The following ANXA8 variants were observed in gnomAD, a reference collection of about 807,000 sequenced individuals.
The protein encoded by ANXA8 is VAC-beta.
Under a neutral mutation model 26.8 loss-of-function variants are expected in ANXA8, and 9 were observed. That is an observed-to-expected ratio of 0.34 (90% CI 0.20 to 0.59). ANXA8 has a LOEUF of 0.59. ANXA8 is among the 20% of genes least tolerant of loss of function. The pLI is 0.84. For synonymous variants in ANXA8, 39 were observed against 94.8 expected (o/e 0.41, Z 3.42); for missense variants, 83 against 238.5 (o/e 0.35, Z 4.29).
the ANXA8 span, among the ~76,000 whole-genome samples, chr10:47,744,409 G>GGGGGGGGGGGGTT: frequency 1.5e-5 from 1 of 65,172 alleles, no homozygotes; most frequent in Non-Finnish European, 3.3e-5. Flanking sequence ...GAAGGCTCCT[G>GGGGGGGGGGGGTT]GTGGGGGGGG....
chr10:47,695,354 G>T, the ANXA8 span, among the ~76,000 whole-genome samples: 2 of 150,664 alleles, frequency 1.3e-5, no homozygotes. Context: ...TAGTGGTGGG[G>T]CATGGGCACA....
the ANXA8 span, among the ~76,000 whole-genome samples, chr10:47,724,849 C>G: frequency 7.2e-6 from 1 of 137,958 alleles, no homozygotes; most frequent in African/African-American, 2.6e-5. Context: ...TTCCCCATGC[C>G]CCTCAACCCA....
At chr10:47,610,386 G>T in the ANXA8 span, among the ~76,000 whole-genome samples, 3 of 144,282 alleles carry the variant, frequency 2.1e-5, no homozygotes, top group African/African-American at 8.2e-5. Context: ...ACATTAGCGA[G>T]CTGGACTATA....
chr10:47,887,863 A>T, the ANXA8 span, among the ~76,000 whole-genome samples: 1 of 16,932 alleles, frequency 5.9e-5, no homozygotes, highest in African/African-American at 2.0e-4. Flanking sequence ...TTTTACAGCT[A>T]TAGTGGATAT....
chr10:47,900,779 A>G, the ANXA8 span, among the ~76,000 whole-genome samples: 1 of 134,556 alleles, frequency 7.4e-6, no homozygotes, highest in Non-Finnish European at 1.6e-5. Flanking sequence ...ACCTAATGAA[A>G]AATATACTTG....
At chr10:47,682,485 T>G in the ANXA8 span, among the ~76,000 whole-genome samples, 1 of 148,276 alleles carries the variant, frequency 6.7e-6, no homozygotes, top group Non-Finnish European at 1.5e-5. Flanking sequence ...TTTTTTTTTT[T>G]TTGTGACGGA....
the ANXA8 span, among the ~76,000 whole-genome samples, chr10:47,769,698 G>C: frequency 6.6e-6 from 1 of 152,296 alleles, no homozygotes; most frequent in Non-Finnish European, 1.5e-5. Flanking sequence ...TCAGTTAAAA[G>C]TGCTGAGCCT....
chr10:47,616,677 G>T, the ANXA8 span, among the ~76,000 whole-genome samples: 1 of 69,712 alleles, frequency 1.4e-5, no homozygotes, highest in African/African-American at 4.2e-5. Flanking sequence ...TGGGTGCAAT[G>T]CTGAGTGCCA....
the ANXA8 span, among the ~76,000 whole-genome samples, chr10:47,627,149 C>T: frequency 6.7e-6 from 1 of 149,826 alleles, no homozygotes; most frequent in African/African-American, 2.5e-5. Context: ...GCTGACTGTA[C>T]TCCTCTGTAA....
chr10:47,955,507 G>A, the ANXA8 span, among the ~76,000 whole-genome samples: 1 of 150,004 alleles, frequency 6.7e-6, no homozygotes, highest in Non-Finnish European at 1.5e-5. Context: ...CTACCAATCT[G>A]TGCAGCATGT....
At chr10:47,580,431 T>C in the ANXA8 span, among the ~76,000 whole-genome samples, 1 of 151,328 alleles carries the variant, frequency 6.6e-6, no homozygotes, top group Non-Finnish European at 1.5e-5. Flanking sequence ...CAATACATTT[T>C]AAAAGGTCAA....
chr10:47,520,871 G>A, the ANXA8 span, among the ~76,000 whole-genome samples: 9 of 130,856 alleles, frequency 6.9e-5, no homozygotes, highest in South Asian at 2.0e-3. Context: ...AGAAGAAGAG[G>A]TAAATTTTGG....
chr10:47,768,431 AG>A, the ANXA8 span, among the ~76,000 whole-genome samples: 1 of 151,384 alleles, frequency 6.6e-6, no homozygotes, highest in Non-Finnish European at 1.5e-5. Flanking sequence ...AACTCCAAAG[AG>A]TGGTGACAGA....
chr10:47,597,096 T>C, the ANXA8 span, among the ~76,000 whole-genome samples: 1 of 149,116 alleles, frequency 6.7e-6, no homozygotes, highest in African/African-American at 2.6e-5. Context: ...TAAGAGTTGT[T>C]CAAATATATG....
chr10:47,683,269 C>T, the ANXA8 span, among the ~76,000 whole-genome samples: 1 of 127,648 alleles, frequency 7.8e-6, no homozygotes, highest in African/African-American at 3.1e-5. Flanking sequence ...CGCTTTGTTG[C>T]CCAGGCTGGA....
chr10:47,586,380 T>G, the ANXA8 span, among the ~76,000 whole-genome samples: 2 of 145,948 alleles, frequency 1.4e-5, no homozygotes, highest in African/African-American at 2.8e-5. Flanking sequence ...TCCTTGAGTA[T>G]AATTACCACT....
chr10:47,578,859 G>A, the ANXA8 span, among the ~76,000 whole-genome samples: 1 of 151,984 alleles, frequency 6.6e-6, no homozygotes. Flanking sequence ...CTTTTTTGGG[G>A]TTTCTTTGAG....
chr10:47,613,352 AAAGCC>A, the ANXA8 span, among the ~76,000 whole-genome samples: 1 of 130,856 alleles, frequency 7.6e-6, no homozygotes, highest in East Asian at 2.1e-4. Flanking sequence ...GCAGCAGTCC[AAAGCC>A]ATGGATAAAC....
the ANXA8 span, among the ~76,000 whole-genome samples, chr10:47,583,702 G>C: frequency 4.1e-5 from 6 of 146,592 alleles, no homozygotes; most frequent in Non-Finnish European, 7.4e-5. Context: ...CAGGAGCCCT[G>C]TGTGCATTTT....
Sources: gnomAD v4.1 joint callset for allele counts (sites outside exome capture counted in the v4.1 genomes callset) on GRCh38, gnomAD v4.1.1 for gene constraint, MANE v1.5 for transcripts, NCBI Gene and HGNC (gene_info 2026-07-23, HGNC 2026-07-21) for gene names.